Variants in TAPT1 observed in about 807,000 individuals in gnomAD.
TAPT1 encodes the protein transmembrane anterior posterior transformation protein 1 homolog.
A neutral mutation model predicts 65.6 loss-of-function variants in TAPT1; 28 were observed. The observed-to-expected ratio is 0.43, with a 90% confidence interval of 0.32 to 0.59. The LOEUF is 0.59. Among genes scored for constraint, TAPT1 ranks in the 20% least tolerant of loss-of-function variants. The pLI is 0.09. For synonymous variants in TAPT1, 278 were observed against 245.2 expected, an observed-to-expected ratio of 1.13 and a Z score of -1.25; for missense variants, 563 against 679.9, an observed-to-expected ratio of 0.83 and a Z score of 1.91.
Position 16,163,265 on chromosome 4 carries a change from G to C in TAPT1, c.*43C>G. On this transcript the variant is annotated 3_prime_UTR_variant, in exon 14 of 14. Coordinates refer to ENST00000405303, the MANE Select transcript of TAPT1 (RefSeq NM_153365.3). The stretch of plus-strand genomic sequence containing the variant: ...TATTTGTCCTGGCAACACAGCACTT[G>C]TTGCCCCAGGACCCAGCTTCTTCAG... The C allele has an allele frequency of 6.9e-7, 1 of 1,441,860 alleles. No homozygotes were observed. Among genetic ancestry groups the C allele is most frequent in the Non-Finnish European group, 9.8e-7 (1 of 1,023,950 alleles). The allele number at this position is 1,441,860 out of a possible 1,614,324, so 89.3% of individuals were successfully genotyped here. A position where few individuals can be genotyped will look rare whatever the true frequency, so the allele number is the denominator to read the frequency against.
intron 1 of TAPT1, among the ~76,000 whole-genome samples, chr4:16,216,870 AG>A (rs1197060373): frequency 1.3e-5 from 2 of 152,118 alleles, no homozygotes; most frequent in Non-Finnish European, 2.9e-5. Flanking sequence ...GAAACCCTTC[AG>A]TGGTTCTTCA....
chr4:16,174,543 A>C (rs1269668678), intron 10 of TAPT1, 127 bp downstream of exon 10: 1 of 817,280 alleles, frequency 1.2e-6, no homozygotes, highest in Non-Finnish European at 1.9e-6. Flanking sequence ...AGTGTTGAGA[A>C]TAGAGATCAG....
chr4:16,226,300 TAGA>T lies in TAPT1; in HGVS notation c.155_157del (p.Phe52del). ...CCTCTCCCGCCGCCGGTCGCTCTCG[TAGA>T]AGCCCAGCGTCTCTGTGAGCTGAGG... On this transcript the variant is annotated inframe_deletion, in exon 1 of 14. Transcript: ENST00000405303. 8.9e-7 allele frequency: 1 copy of T among 1,129,590 alleles called. No homozygotes were observed. The highest frequency in any genetic ancestry group is 1.1e-6 in the Non-Finnish European group (1 of 923,642). The allele number at this position is 1,129,590 out of a possible 1,614,324, so 70.0% of individuals were successfully genotyped here.
At chr4:16,209,754 G>C (rs1244153909) in intron 2 of TAPT1, among the ~76,000 whole-genome samples, 2 of 152,228 alleles carry the variant, frequency 1.3e-5, no homozygotes, top group Admixed American at 6.5e-5. Context: ...AGCTTTAATA[G>C]TATATATATC....
intron 1 of TAPT1, among the ~76,000 whole-genome samples, chr4:16,219,566 C>T (rs969027972): frequency 5.3e-5 from 8 of 152,198 alleles, no homozygotes; most frequent in African/African-American, 1.9e-4. Flanking sequence ...CTAACCACAA[C>T]AACAAAGTTT....
At chr4:16,165,602 A>G (rs1747557494) in intron 13 of TAPT1, among the ~76,000 whole-genome samples, 2 of 152,122 alleles carry the variant, frequency 1.3e-5, no homozygotes, top group African/African-American at 4.8e-5. Context: ...CATTTAAACT[A>G]AAAGTTATAT....
intron 4 of TAPT1, among the ~76,000 whole-genome samples, chr4:16,188,936 A>T (rs1325550544): frequency 6.6e-6 from 1 of 152,098 alleles, no homozygotes; most frequent in Non-Finnish European, 1.5e-5. Context: ...AAAGAAAAAA[A>T]GGGGGTGGGC....
At chr4:16,192,346 A>C (rs1187031713) in intron 3 of TAPT1, among the ~76,000 whole-genome samples, 1 of 152,236 alleles carries the variant, frequency 6.6e-6, no homozygotes, top group Non-Finnish European at 1.5e-5. Context: ...AATTTCTATC[A>C]TTAGGAAACT....
At chr4:16,187,235 T>A (rs1281116903) in intron 5 of TAPT1, among the ~76,000 whole-genome samples, 1 of 152,120 alleles carries the variant, frequency 6.6e-6, no homozygotes, top group African/African-American at 2.4e-5. Flanking sequence ...TTATGGTAAA[T>A]ACTGAAAGAA....
chr4:16,202,795 A>C (rs912536135), intron 2 of TAPT1, among the ~76,000 whole-genome samples: 10 of 152,100 alleles, frequency 6.6e-5, no homozygotes, highest in African/African-American at 2.4e-4. Context: ...ATTACTCAAA[A>C]ACAAGTTGCC....
At chr4:16,163,613 G>A in intron 13 of TAPT1, 76 bp from the exon 14 acceptor site, 1 of 1,226,008 alleles carries the variant, frequency 8.2e-7, no homozygotes, top group South Asian at 1.5e-5. Context: ...TACCAATACA[G>A]TGGTGCTGAA....
At chr4:16,226,514 G>GCCCCCTCCCCGCCTCGC, upstream of TAPT1, 2 of 983,244 alleles carry the variant, frequency 2.0e-6, no homozygotes, top group Non-Finnish European at 2.4e-6. Context: ...CCTCCGGCCG[G>GCCCCCTCCCCGCCTCGC]CCCCCTCCCC....
rs981658741 is a variant in TAPT1 at position 16,226,014 on chromosome 4, T to G, written c.199+245A>C. 4.7e-5 allele frequency: 47 copies of G among 1,002,758 alleles called. 1 individual carries two copies. In the Admixed American group the frequency reaches 7.1e-4, roughly 15 times the overall value. 62.1% of individuals were successfully genotyped at this position (1,002,758 alleles called of 1,614,324 possible). On this transcript the variant is annotated intron_variant, in intron 1 of 13. Transcript: ENST00000405303. ...AACTTTCCCGGCCGCAGACCCCTTC[T>G]AGGGCACACCTGGCCTGGCGCGGCC...
intron 3 of TAPT1, among the ~76,000 whole-genome samples, chr4:16,198,629 C>A (rs953473044): frequency 6.6e-6 from 1 of 151,864 alleles, no homozygotes; most frequent in South Asian, 2.1e-4. Flanking sequence ...CTTCTTATTT[C>A]TTTGAAAAAA....
intron 12 of TAPT1, 184 bp from the exon 13 acceptor site, chr4:16,166,977 A>C (rs1310231510): frequency 2.2e-5 from 10 of 448,072 alleles, no homozygotes; most frequent in African/African-American, 2.0e-4. Context: ...AAAACTTCGG[A>C]ATTCCTTAGT....
At chr4:16,185,446 G>A (rs1748955243) in intron 7 of TAPT1, among the ~76,000 whole-genome samples, 1 of 150,834 alleles carries the variant, frequency 6.6e-6, no homozygotes, top group Non-Finnish European at 1.5e-5. Context: ...TTGGCTCACT[G>A]CAACCTCCGC....
At chr4:16,174,458 C>A (rs1748201586) in intron 10 of TAPT1, 186 bp from the exon 11 acceptor site, 2 of 682,040 alleles carry the variant, frequency 2.9e-6, no homozygotes, top group Admixed American at 6.5e-5. Flanking sequence ...AGTTGAATAA[C>A]TTAAAATGCT....
chr4:16,211,742 G>A (rs147244589), intron 2 of TAPT1, among the ~76,000 whole-genome samples: 198 of 152,060 alleles, frequency 1.3e-3, no homozygotes, highest in Non-Finnish European at 2.3e-3. Flanking sequence ...CTTATTCTTA[G>A]TATAGGCAAT....
At chr4:16,193,391 T>C (rs977079571) in intron 3 of TAPT1, among the ~76,000 whole-genome samples, 52 of 152,214 alleles carry the variant, frequency 3.4e-4, no homozygotes, top group African/African-American at 1.2e-3. Flanking sequence ...TCTGTCATTA[T>C]TTCTTTTTCA....
Sources: gnomAD v4.1 joint callset for allele counts (sites outside exome capture counted in the v4.1 genomes callset) on GRCh38, gnomAD v4.1.1 for gene constraint, MANE v1.5 for transcripts, NCBI Gene and HGNC (gene_info 2026-07-23, HGNC 2026-07-21) for gene names.